Variants in CDH3 observed in about 807,000 individuals in gnomAD.
CDH3 encodes cadherin 3.
CDH3 carries 54 observed loss-of-function variants against 82.0 expected under a neutral mutation model. The observed-to-expected ratio is 0.66, with a 90% CI of 0.53 to 0.83. The LOEUF is 0.83. Among genes scored for constraint, CDH3 ranks in the 40% least tolerant of loss-of-function variants. CDH3 has a pLI of 0.00. For synonymous variants in CDH3, 446 were observed against 437.9 expected (o/e 1.02, Z -0.23); for missense variants, 1,054 against 1,084.6 (o/e 0.97, Z 0.40).
intron 11 of CDH3, among the ~76,000 whole-genome samples, chr16:68,685,976 A>T (rs1469034023): frequency 6.6e-6 from 1 of 152,188 alleles, no homozygotes; most frequent in African/African-American, 2.4e-5. Context: ...GGCTGGCCTG[A>T]GAAACATACA....
At chr16:68,723,050 CTTT>C (rs61216517) in intron 2 of CDH3, among the ~76,000 whole-genome samples, 4 of 145,524 alleles carry the variant, frequency 2.7e-5, no homozygotes, top group Middle Eastern at 3.5e-3. Context: ...GCCTCTATTA[CTTT>C]TTTTTTTTTT....
intron 12 of CDH3, among the ~76,000 whole-genome samples, chr16:68,688,495 G>C (rs1276662838): frequency 6.6e-6 from 1 of 152,196 alleles, no homozygotes; most frequent in Non-Finnish European, 1.5e-5. Flanking sequence ...GGCTGAGACA[G>C]AAGAATCGCT....
At chr16:68,710,714 G>C (rs1962015884) in intron 1 of CDH3, among the ~76,000 whole-genome samples, 2 of 151,374 alleles carry the variant, frequency 1.3e-5, no homozygotes, top group East Asian at 3.9e-4. Context: ...TGTGGTGGCG[G>C]GCGCCTGTAA....
intron 8 of CDH3, 76 bp downstream of exon 8, chr16:68,681,172 C>G: frequency 6.6e-7 from 1 of 1,523,692 alleles, no homozygotes; most frequent in South Asian, 1.1e-5. Flanking sequence ...AAACTGGAAC[C>G]AGTCTATATT....
chr16:68,689,056 A>C (rs1961491928), intron 12 of CDH3, among the ~76,000 whole-genome samples: 1 of 152,212 alleles, frequency 6.6e-6, no homozygotes, highest in African/African-American at 2.4e-5. Context: ...CTTGGCTTTA[A>C]TTTCATTTTT....
chr16:68,700,383 A>G (rs1961873244), downstream of CDH3: 1 of 152,270 alleles, frequency 6.6e-6, no homozygotes. Context: ...ACCTCTAGGC[A>G]GGGCCCTGCT....
intron 2 of CDH3, among the ~76,000 whole-genome samples, chr16:68,669,623 G>C (rs1374182388): frequency 6.8e-6 from 1 of 146,676 alleles, no homozygotes; most frequent in Non-Finnish European, 1.5e-5. Context: ...TGGCGGGGGG[G>C]GTGGGCGGTA....
chr16:68,718,214 G>A (rs1358978631), intron 1 of CDH3, among the ~76,000 whole-genome samples: 1 of 152,006 alleles, frequency 6.6e-6, no homozygotes, highest in African/African-American at 2.4e-5. Flanking sequence ...ATGTTGCCCA[G>A]GCTGATCTCA....
rs1485263073 is a variant in CDH3, at chr16:68,681,078, C to T, written c.978C>T (p.Pro326=). ...TCCTTGATGCCAATGACAATGCTCC[C>T]ATGTTTGACCCCCAGAAGGTAATGC... ...VEILDANDNA[P]MFDPQKYEAH... is the part of the protein sequence containing the mutation. Residue 326 remains proline (P), a synonymous_variant, in exon 8 of 16, where the codon CCC becomes CCT. Coordinates refer to ENST00000264012, the MANE Select transcript of CDH3 (RefSeq NM_001793.6). The T allele has an allele frequency of 3.1e-6, 5 of 1,613,902 alleles. No individual in the cohort carries two copies. The African/African-American group carries it at 5.3e-5, about 17-fold the overall frequency.
rs115852759 is a variant in CDH3, at chr16:68,676,520, A to G, written c.246+50A>G. The G allele has an allele frequency of 1.0e-3, 1,515 of 1,444,152 alleles. 18 individuals carry two copies. The African/African-American group carries it at 0.019, about 18-fold the overall frequency. 89.5% of individuals were successfully genotyped at this position (1,444,152 alleles called of 1,614,324 possible). ...GACAAAAGAAAGATGTTCTCTGTGCATGCCCAAATTGCTGGCCAGGAGCCC... is the reference window on the plus strand; with the variant it reads ...GACAAAAGAAAGATGTTCTCTGTGCGTGCCCAAATTGCTGGCCAGGAGCCC... On this transcript the variant is annotated intron_variant, in intron 3 of 15. Coordinates refer to ENST00000264012, the MANE Select transcript of CDH3 (RefSeq NM_001793.6).
At chr16:68,711,251 C>G (rs1284519981) in intron 1 of CDH3, among the ~76,000 whole-genome samples, 1 of 150,026 alleles carries the variant, frequency 6.7e-6, no homozygotes, top group Admixed American at 6.6e-5. Flanking sequence ...CGGAGGTTGC[C>G]GTGAGCTGGG....
At position 68,695,833 on chromosome 16, in the gene CDH3, C is replaced by G. The variant is rs925607167; in HGVS notation, c.2190C>G (p.Leu730=). ...TGGAGGCCAGGCCGGAGGTGGTTCT[C>G]CGCAATGACGTGGCACCAACCATCA... ...RGLEARPEVV[L]RNDVAPTIIP... is the part of the protein sequence containing the mutation. Residue 730 remains leucine (L), a synonymous_variant, in exon 15 of 16, where the codon CTC becomes CTG. Coordinates refer to ENST00000264012, the MANE Select transcript of CDH3 (RefSeq NM_001793.6). 1.9e-6 allele frequency: 3 copies of G among 1,614,010 alleles called. No individual in the cohort carries two copies. The highest frequency in any genetic ancestry group is 2.5e-6 in the Non-Finnish European group (3 of 1,180,004).
chr16:68,716,021 C>A (rs1445971255), intron 1 of CDH3, among the ~76,000 whole-genome samples: 1 of 151,786 alleles, frequency 6.6e-6, no homozygotes, highest in Non-Finnish European at 1.5e-5. Flanking sequence ...GTAATCCCAA[C>A]ACTTTGGGAG....
intron 2 of CDH3, chr16:68,651,207 G>A (rs917714480): frequency 3.9e-6 from 2 of 517,060 alleles, no homozygotes; most frequent in East Asian, 1.0e-4. Context: ...CCTGCAGGTA[G>A]CCCATCTGCA....
chr16:68,645,850 C>A (rs1395089411), intron 2 of CDH3, 100 bp downstream of exon 2: 7 of 890,208 alleles, frequency 7.9e-6, no homozygotes, highest in African/African-American at 5.0e-5. Context: ...GGACTCCTGG[C>A]GCCACCTCAG....
At chr16:68,687,208 G>T (rs1961435983) in intron 11 of CDH3, among the ~76,000 whole-genome samples, 1 of 152,190 alleles carries the variant, frequency 6.6e-6, no homozygotes, top group Non-Finnish European at 1.5e-5. Context: ...GCAGGGCTGT[G>T]AAGGGAAGCT....
downstream of CDH3, among the ~76,000 whole-genome samples, chr16:68,704,286 CAAAA>C (rs922482618): frequency 9.9e-5 from 10 of 100,528 alleles, no homozygotes; most frequent in East Asian, 2.7e-4. Flanking sequence ...GACTTCGTCT[CAAAA>C]AAAAAAAAAA....
intron 2 of CDH3, chr16:68,651,034 C>G: frequency 2.5e-6 from 1 of 406,988 alleles, no homozygotes; most frequent in South Asian, 3.5e-5. Context: ...GCCTTAGTAG[C>G]TGGCCTCCTC....
chr16:68,678,725 T>C, intron 5 of CDH3, 37 bp from the exon 6 acceptor site: 1 of 1,614,044 alleles, frequency 6.2e-7, no homozygotes, highest in Non-Finnish European at 8.5e-7. Context: ...GTGAGGTGGG[T>C]GGCACCGGGC....
Sources: gnomAD v4.1 joint callset for allele counts (sites outside exome capture counted in the v4.1 genomes callset) on GRCh38, gnomAD v4.1.1 for gene constraint, MANE v1.5 for transcripts, NCBI Gene and HGNC (gene_info 2026-07-23, HGNC 2026-07-21) for gene names.